MYO5B: variants seen among roughly 807,000 people sequenced by gnomAD.
MYO5B encodes the protein myosin VB.
MYO5B carries 143 observed loss-of-function variants against 229.3 expected under a neutral mutation model. The observed-to-expected ratio is 0.62, with a 90% CI of 0.54 to 0.72. MYO5B has a LOEUF of 0.72. MYO5B is among the 30% of genes least tolerant of loss of function. MYO5B has a pLI of 0.00. For missense variants in MYO5B, 2,321 were observed against 2,331.0 expected (o/e 1.00, Z 0.09); for synonymous variants, 918 against 885.2 (o/e 1.04, Z -0.66).
At chr18:49,955,686 G>A in intron 12 of MYO5B, among the ~76,000 whole-genome samples, 1 of 152,194 alleles carries the variant, frequency 6.6e-6, no homozygotes, top group Non-Finnish European at 1.5e-5. Flanking sequence ...AACACCATAG[G>A]AAATTCAAGA....
Position 49,902,681 on chromosome 18 carries a change from A to C in MYO5B, c.2724T>G (p.Ile908Met). Residue 908 changes from isoleucine to methionine, a missense_variant, in exon 21 of 40, where the codon ATT (isoleucine) becomes ATG (methionine). By Grantham distance (10) the Ile-to-Met change is conservative. Coordinates refer to ENST00000285039, the MANE Select transcript of MYO5B (RefSeq NM_001080467.3). ...TCAGATGCTCTGCTGAGCGGGCCTC[A>C]ATCCTGAGGGCCTTCAGCTCCCGCC... Reference protein sequence around the residue: ...KARRELKALRIEARSAEHLKR... With the variant: ...KARRELKALRMEARSAEHLKR... 6.2e-7 allele frequency: 1 copy of C among 1,613,016 alleles called. No homozygotes were observed. The highest frequency in any genetic ancestry group is 1.1e-5 in the South Asian group (1 of 91,084).
At chr18:50,068,468 T>C (rs2030876335) in intron 1 of MYO5B, among the ~76,000 whole-genome samples, 1 of 152,030 alleles carries the variant, frequency 6.6e-6, no homozygotes, top group Admixed American at 6.6e-5. Context: ...TAGATCAGAG[T>C]CTGGGAGAAC....
chr18:49,891,980 C>T (rs970206780), intron 22 of MYO5B, among the ~76,000 whole-genome samples: 3 of 86,094 alleles, frequency 3.5e-5, no homozygotes, highest in African/African-American at 4.9e-5. Context: ...TTCCTCCTCA[C>T]CCACCACAGC....
intron 1 of MYO5B, among the ~76,000 whole-genome samples, chr18:50,072,929 G>A (rs1202394926): frequency 6.6e-6 from 1 of 152,108 alleles, no homozygotes; most frequent in Non-Finnish European, 1.5e-5. Context: ...GCAAGGAAAG[G>A]GCCCAACTAG....
chr18:50,106,279 G>C (rs1414924399), intron 1 of MYO5B, among the ~76,000 whole-genome samples: 2 of 152,054 alleles, frequency 1.3e-5, no homozygotes, highest in Non-Finnish European at 2.9e-5. Context: ...CTGACCTTTG[G>C]TATGACCCCA....
At chr18:50,130,597 A>G (rs1402446293) in intron 1 of MYO5B, among the ~76,000 whole-genome samples, 3 of 152,218 alleles carry the variant, frequency 2.0e-5, no homozygotes, top group Non-Finnish European at 4.4e-5. Flanking sequence ...GTGGGTACTG[A>G]TGCAGAAATC....
chr18:49,864,467 T>A, intron 27 of MYO5B, 87 bp from the exon 28 acceptor site: 1 of 1,562,248 alleles, frequency 6.4e-7, no homozygotes, highest in African/African-American at 1.4e-5. Context: ...CCTTCTTTTG[T>A]CCACTGGGAA....
chr18:50,194,696 G>A (rs2033277125), intron 1 of MYO5B, 71 bp downstream of exon 1: 4 of 1,139,850 alleles, frequency 3.5e-6, no homozygotes, highest in East Asian at 6.0e-5. Context: ...GGGAGAAGGC[G>A]ACCCTGAGTA....
Position 49,837,779 on chromosome 18 carries a change from T to C in MYO5B, c.4876A>G (p.Ser1626Gly). 6.2e-7 allele frequency: 1 copy of C among 1,614,154 alleles called. No individual in the cohort carries two copies. The highest frequency in any genetic ancestry group is 8.5e-7 in the Non-Finnish European group (1 of 1,180,030). ...MIVSAMLENESIQGLSGVKPT... is the reference protein window; with the variant it reads ...MIVSAMLENEGIQGLSGVKPT... ...TTCACACCAGATAGACCCTGAATGC[T>C]CTCATTTTCCAACATGGCAGAAACT... The change falls in exon 37 of 40, where the codon AGC (serine) becomes GGC (glycine). Residue 1626 changes from serine (S) to glycine (G), a missense_variant. Around this residue, in one of 2 missense-constraint regions of MYO5B, gnomAD observed 208 missense variants for 286.3 expected, o/e 0.73. Coordinates refer to ENST00000285039, the MANE Select transcript of MYO5B (RefSeq NM_001080467.3).
At chr18:50,172,442 C>T (rs1391577028) in intron 1 of MYO5B, among the ~76,000 whole-genome samples, 1 of 152,086 alleles carries the variant, frequency 6.6e-6, no homozygotes, top group Non-Finnish European at 1.5e-5. Context: ...ATTCCTGATA[C>T]CACAAGGTCC....
intron 1 of MYO5B, among the ~76,000 whole-genome samples, chr18:50,087,270 C>G (rs2031350064): frequency 6.6e-6 from 1 of 152,138 alleles, no homozygotes; most frequent in Non-Finnish European, 1.5e-5. Flanking sequence ...ATCTTAGAGA[C>G]TGTTAAAAAG....
chr18:49,962,159 T>C (rs2025566639), intron 12 of MYO5B, 107 bp downstream of exon 12: 5 of 1,473,518 alleles, frequency 3.4e-6, no homozygotes, highest in African/African-American at 1.4e-5. Context: ...TCCAGCACAC[T>C]GAAGGCCAGC....
intron 14 of MYO5B, among the ~76,000 whole-genome samples, chr18:49,948,422 C>T (rs1374548584): frequency 1.3e-5 from 2 of 151,972 alleles, no homozygotes; most frequent in Non-Finnish European, 2.9e-5. Flanking sequence ...TGGAAGACAA[C>T]ATGGACTCTC....
chr18:49,832,319 G>A (rs2023932296), intron 39 of MYO5B, among the ~76,000 whole-genome samples: 1 of 152,206 alleles, frequency 6.6e-6, no homozygotes, highest in Admixed American at 6.5e-5. Flanking sequence ...AGTAAGTGCT[G>A]TATTTGCTGT....
At chr18:49,933,758 C>T (rs12967065) in intron 16 of MYO5B, among the ~76,000 whole-genome samples, 55,156 of 152,134 alleles carry the variant, frequency 0.36, 10,933 homozygotes, top group Middle Eastern at 0.59. Context: ...ACTCCGATTA[C>T]AGGAAATGGG....
At chr18:49,891,528 C>T (rs558604144) in intron 22 of MYO5B, among the ~76,000 whole-genome samples, 1 of 152,318 alleles carries the variant, frequency 6.6e-6, no homozygotes, top group South Asian at 2.1e-4. Flanking sequence ...CATTCAAACA[C>T]CTGCTGAATG....
chr18:49,997,349 C>A (rs117037633), intron 5 of MYO5B, among the ~76,000 whole-genome samples: 2,261 of 138,194 alleles, frequency 0.016, 34 homozygotes, highest in Non-Finnish European at 0.027. Context: ...TTGCTAGCTT[C>A]ACTCTAGCCT....
chr18:50,107,205 C>A (rs1851670743), intron 1 of MYO5B, among the ~76,000 whole-genome samples: 4 of 148,562 alleles, frequency 2.7e-5, no homozygotes, highest in Admixed American at 2.0e-4. Context: ...CTGCAACTGC[C>A]ACCTCCCAGG....
At chr18:50,095,039 A>T (rs1599016805) in intron 1 of MYO5B, among the ~76,000 whole-genome samples, 1 of 152,248 alleles carries the variant, frequency 6.6e-6, no homozygotes, top group African/African-American at 2.4e-5. Flanking sequence ...CATGTTGGCC[A>T]GGCTGGTCTC....
Sources: allele counts gnomAD v4.1 joint callset (sites outside exome capture counted in the v4.1 genomes callset), GRCh38; gene constraint gnomAD v4.1.1; regional missense constraint gnomAD v4.1.1; transcripts MANE v1.5; gene names NCBI Gene and HGNC (gene_info 2026-07-23, HGNC 2026-07-21).